Variants in NSUN6 observed in about 807,000 individuals in gnomAD.
NSUN6 encodes NOP2/Sun RNA methyltransferase 6, also known as tRNA (cytosine(72)-C(5))-methyltransferase NSUN6.
Under a neutral mutation model 58.0 loss-of-function variants are expected in NSUN6, and 64 were observed. The observed-to-expected ratio is 1.10, with a 90% CI of 0.90 to 1.36. The LOEUF is 1.36. NSUN6 is among the 40% of genes most tolerant of loss of function. The pLI is 0.00. For synonymous variants in NSUN6, 231 were observed against 193.9 expected, an observed-to-expected ratio of 1.19 and a Z score of -1.59; for missense variants, 701 against 550.1, an observed-to-expected ratio of 1.27 and a Z score of -2.74.
chr10:18,574,261 G>C (rs1165936662), intron 8 of NSUN6, among the ~76,000 whole-genome samples: 3 of 152,070 alleles, frequency 2.0e-5, no homozygotes, highest in Non-Finnish European at 4.4e-5. Context: ...GGAAAACTGA[G>C]AGCAAGCACG....
chr10:18,582,967 G>A (rs899645075), intron 8 of NSUN6, among the ~76,000 whole-genome samples: 3 of 152,094 alleles, frequency 2.0e-5, no homozygotes, highest in Non-Finnish European at 2.9e-5. Flanking sequence ...CCTCTGAGAC[G>A]AAGCTCAGCC....
upstream of NSUN6, among the ~76,000 whole-genome samples, chr10:18,657,830 T>G (rs1429395886): frequency 6.6e-6 from 1 of 152,084 alleles, no homozygotes; most frequent in Non-Finnish European, 1.5e-5. Flanking sequence ...GCCAGGATGG[T>G]CTCCATCTCT....
chr10:18,552,426 A>C (rs550761499), intron 8 of NSUN6, among the ~76,000 whole-genome samples: 1 of 152,246 alleles, frequency 6.6e-6, no homozygotes, highest in South Asian at 2.1e-4. Context: ...GAGAATGGCT[A>C]TGGTCTAGAA....
intron 1 of NSUN6, among the ~76,000 whole-genome samples, chr10:18,649,980 A>T (rs1190378936): frequency 6.6e-6 from 1 of 152,236 alleles, no homozygotes; most frequent in South Asian, 2.1e-4. Flanking sequence ...ATATTCAAAA[A>T]TGAGTAACAT....
intron 8 of NSUN6, among the ~76,000 whole-genome samples, chr10:18,576,390 CA>C (rs988417409): frequency 6.6e-6 from 1 of 152,080 alleles, no homozygotes; most frequent in Non-Finnish European, 1.5e-5. Context: ...CAATAGACCC[CA>C]GTGTCAACCA....
In NSUN6 at chr10:18,626,710, T is replaced by A. The variant is rs185697858; in HGVS notation, c.312-10417A>T. On this transcript the variant is annotated intron_variant, in intron 3 of 10. Coordinates refer to ENST00000377304, the MANE Select transcript of NSUN6 (RefSeq NM_182543.5). ...TTGAACACGGAGGTGGAGGTTGCAG[T>A]GAGCCGAGATCGTGCCATTGCACTC... Among the ~76,000 whole-genome samples, 997 of 152,164 alleles carry A rather than the reference T, an allele frequency of 6.6e-3. 17 individuals are homozygous for A. Among genetic ancestry groups the A allele is most frequent in the African/African-American group, 0.023 (967 of 41,514 alleles).
intron 8 of NSUN6, among the ~76,000 whole-genome samples, chr10:18,579,564 T>C (rs970682821): frequency 6.6e-6 from 1 of 152,198 alleles, no homozygotes; most frequent in African/African-American, 2.4e-5. Flanking sequence ...TTAGATAGTT[T>C]ATTTTACCAA....
intron 3 of NSUN6, among the ~76,000 whole-genome samples, chr10:18,627,711 A>G (rs887066759): frequency 6.6e-6 from 1 of 152,248 alleles, no homozygotes; most frequent in Non-Finnish European, 1.5e-5. Context: ...GATTGGCTTA[A>G]AAACCGGAGC....
intron 8 of NSUN6, among the ~76,000 whole-genome samples, chr10:18,579,994 T>C (rs2056834425): frequency 6.6e-6 from 1 of 152,172 alleles, no homozygotes; most frequent in South Asian, 2.1e-4. Context: ...CAAGATTTAT[T>C]TTCCTTTCGC....
chr10:18,638,935 G>C (rs544325562), intron 3 of NSUN6, among the ~76,000 whole-genome samples: 1 of 127,922 alleles, frequency 7.8e-6, no homozygotes, highest in Admixed American at 8.8e-5. Flanking sequence ...ATGTTATAAA[G>C]CTTGACAATG....
intron 8 of NSUN6, among the ~76,000 whole-genome samples, chr10:18,567,782 A>G (rs149846471): frequency 1.0e-3 from 145 of 144,638 alleles, no homozygotes; most frequent in African/African-American, 3.5e-3. Flanking sequence ...TCTCCATTCC[A>G]TTGCATTCTA....
chr10:18,649,705 T>C (rs1194745962), intron 1 of NSUN6, among the ~76,000 whole-genome samples: 1 of 152,164 alleles, frequency 6.6e-6, no homozygotes, highest in Non-Finnish European at 1.5e-5. Context: ...CTTTTCATTT[T>C]GTAAAACCAT....
At chr10:18,564,820 T>G (rs886960003) in intron 8 of NSUN6, among the ~76,000 whole-genome samples, 2 of 151,012 alleles carry the variant, frequency 1.3e-5, no homozygotes, top group Non-Finnish European at 3.0e-5. Context: ...CATTATTCAA[T>G]TCATTCTCCA....
At chr10:18,656,751 C>T (rs2059781661), upstream of NSUN6, among the ~76,000 whole-genome samples, 1 of 148,704 alleles carries the variant, frequency 6.7e-6, no homozygotes, top group Non-Finnish European at 1.5e-5. Flanking sequence ...AGAGATTTTA[C>T]TGGGATTCCA....
chr10:18,647,784 G>C (rs1467758235), intron 2 of NSUN6, among the ~76,000 whole-genome samples: 3 of 140,978 alleles, frequency 2.1e-5, no homozygotes, highest in Non-Finnish European at 3.0e-5. Context: ...GCCCAGGCTG[G>C]AGTGCAGTCA....
chr10:18,596,605 T>A (rs1025388484), intron 6 of NSUN6, among the ~76,000 whole-genome samples: 2 of 152,170 alleles, frequency 1.3e-5, no homozygotes, highest in African/African-American at 4.8e-5. Context: ...ATTTTCTGGG[T>A]ACCAGCAAAA....
chr10:18,592,861 G>C lies in NSUN6; in HGVS notation c.777+3347C>G, dbSNP rs2057430078. On this transcript the variant is annotated intron_variant, in intron 7 of 10. Coordinates refer to ENST00000377304, the MANE Select transcript of NSUN6 (RefSeq NM_182543.5). ...CAACAAAAGCCAAAATTGACAAATG[G>C]GATCTAATTAAACTAAAGAGCTTCT... Among the ~76,000 whole-genome samples the C allele has an allele frequency of 1.3e-5, 2 of 152,106 alleles. 1 individual carries two copies. The highest frequency in any genetic ancestry group is 4.1e-4 in the South Asian group (2 of 4,830).
chr10:18,559,571 G>A (rs1366703397), intron 8 of NSUN6, among the ~76,000 whole-genome samples: 2 of 150,598 alleles, frequency 1.3e-5, no homozygotes, highest in African/African-American at 2.4e-5. Context: ...ATGGAATGGA[G>A]AATGCAATAG....
In NSUN6 at chr10:18,651,111, C is replaced by A; in HGVS notation, c.75+18G>T. 1 of 1,571,638 alleles carries A rather than the reference C, an allele frequency of 6.4e-7. No homozygotes were observed. Reference sequence around the variant, plus strand: ...TGAGTTTTTGCAAAATATCAACTAACATCTTTACTTGACCTACCTCCTTAT... The same window carrying A: ...TGAGTTTTTGCAAAATATCAACTAAAATCTTTACTTGACCTACCTCCTTAT... On this transcript the variant is annotated intron_variant, in intron 1 of 10. Coordinates refer to ENST00000377304, the MANE Select transcript of NSUN6 (RefSeq NM_182543.5).
Sources: allele counts gnomAD v4.1 joint callset (sites outside exome capture counted in the v4.1 genomes callset), GRCh38; gene constraint gnomAD v4.1.1; transcripts MANE v1.5; gene names NCBI Gene and HGNC (gene_info 2026-07-23, HGNC 2026-07-21).